Variants in NLGN1 observed in about 807,000 individuals in gnomAD.
NLGN1 encodes neuroligin-1.
Under a neutral mutation model 65.5 loss-of-function variants are expected in NLGN1, and 12 were observed. That is an observed-to-expected ratio of 0.18 (90% CI 0.12 to 0.30). The LOEUF is 0.30. NLGN1 is among the 10% of genes least tolerant of loss of function. NLGN1 has a pLI of 1.00. For synonymous variants in NLGN1, 350 were observed against 359.5 expected, an observed-to-expected ratio of 0.97 and a Z score of 0.30; for missense variants, 750 against 1,007.1, an observed-to-expected ratio of 0.74 and a Z score of 3.46.
chr3:174,051,547 A>G (rs1220547512), intron 4 of NLGN1, among the ~76,000 whole-genome samples: 1 of 152,078 alleles, frequency 6.6e-6, no homozygotes, highest in Non-Finnish European at 1.5e-5. Context: ...CTTATGTATG[A>G]CAATCAAGTC....
chr3:173,694,744 A>G (rs1268649657), intron 3 of NLGN1, among the ~76,000 whole-genome samples: 2 of 152,188 alleles, frequency 1.3e-5, no homozygotes, highest in Non-Finnish European at 2.9e-5. Context: ...ACTTCTATGC[A>G]ATGGTCCTGA....
rs370702716 is a variant in NLGN1, at chr3:174,017,732, G to A, written c.646+209900G>A. Among the ~76,000 whole-genome samples the A allele has an allele frequency of 8.8e-4, 134 of 152,228 alleles. 1 individual carries two copies. In the East Asian group the frequency reaches 0.02, roughly 23 times the overall value. On this transcript the variant is annotated intron_variant, in intron 4 of 6. Transcript: ENST00000457714. Reference sequence around the variant, plus strand: ...TTTATTAGTGATTTTCAAAAGGGGAGGGAGTGTACAAATAGGGTGTGGGTC... The same window carrying A: ...TTTATTAGTGATTTTCAAAAGGGGAAGGAGTGTACAAATAGGGTGTGGGTC...
In NLGN1 at chr3:173,822,983, A is replaced by T. The variant is rs75405228; in HGVS notation, c.646+15151A>T. ...AATAGAATTAAAATTGAGTAACTTC[A>T]ATTTAATACCATGTCAGTTAATTCT... On this transcript the variant is annotated intron_variant, in intron 4 of 6. Coordinates refer to ENST00000457714, the Ensembl canonical transcript of NLGN1. 7.9e-4 allele frequency among the ~76,000 whole-genome samples: 120 copies of T among 152,178 alleles called. 1 individual carries two copies. In the East Asian group the frequency reaches 0.021, roughly 27 times the overall value.
At chr3:173,748,128 C>T (rs1215782176) in intron 3 of NLGN1, among the ~76,000 whole-genome samples, 1 of 151,938 alleles carries the variant, frequency 6.6e-6, no homozygotes, top group Non-Finnish European at 1.5e-5. Context: ...AGCGTAAAAT[C>T]TAGTAAATAT....
intron 4 of NLGN1, among the ~76,000 whole-genome samples, chr3:173,976,528 C>T (rs1717508670): frequency 6.6e-6 from 1 of 151,974 alleles, no homozygotes; most frequent in Non-Finnish European, 1.5e-5. Context: ...GAACTGAAAC[C>T]CAGATTCTCT....
intron 2 of NLGN1, among the ~76,000 whole-genome samples, chr3:173,443,946 A>T (rs1719692003): frequency 6.6e-6 from 1 of 152,194 alleles, no homozygotes; most frequent in Admixed American, 6.5e-5. Context: ...TTCTTGGATA[A>T]TAACCAACAT....
chr3:173,539,923 G>A (rs1215728121), intron 2 of NLGN1, among the ~76,000 whole-genome samples: 2 of 120,880 alleles, frequency 1.7e-5, no homozygotes, highest in Non-Finnish European at 3.1e-5. Context: ...TAACATACGT[G>A]TGTGTGTGTG....
chr3:173,862,558 A>G (rs974420348), intron 4 of NLGN1, among the ~76,000 whole-genome samples: 3 of 150,198 alleles, frequency 2.0e-5, no homozygotes, highest in Non-Finnish European at 3.0e-5. Flanking sequence ...ACATATAATT[A>G]TGTATATTAT....
chr3:173,798,346 G>T (rs1714634504), intron 3 of NLGN1, among the ~76,000 whole-genome samples: 1 of 151,790 alleles, frequency 6.6e-6, no homozygotes, highest in Admixed American at 6.6e-5. Context: ...ATATTTTTTT[G>T]CAGTCTTTAA....
intron 3 of NLGN1, among the ~76,000 whole-genome samples, chr3:173,637,022 AG>A (rs1177832273): frequency 3.3e-5 from 5 of 152,274 alleles, no homozygotes; most frequent in African/African-American, 1.2e-4. Flanking sequence ...ATAAATTCTG[AG>A]AACTTTTTGT....
intron 2 of NLGN1, among the ~76,000 whole-genome samples, chr3:173,536,523 G>T (rs144118827): frequency 7.6e-4 from 115 of 152,312 alleles, no homozygotes; most frequent in Middle Eastern, 3.4e-3. Context: ...GTATCTTCAT[G>T]TACTTGTTAA....
intron 4 of NLGN1, among the ~76,000 whole-genome samples, chr3:173,997,869 G>C (rs1220131435): frequency 6.6e-6 from 1 of 152,024 alleles, no homozygotes; most frequent in Non-Finnish European, 1.5e-5. Flanking sequence ...TTTGGTTCTA[G>C]TATCTAGAAC....
At chr3:173,672,040 G>A (rs1365553491) in intron 3 of NLGN1, among the ~76,000 whole-genome samples, 3 of 152,114 alleles carry the variant, frequency 2.0e-5, no homozygotes, top group African/African-American at 7.2e-5. Flanking sequence ...CGGGCGTGGT[G>A]GCAGATGCCT....
chr3:174,108,212 TG>T (rs749145854), intron 4 of NLGN1, among the ~76,000 whole-genome samples: 3 of 152,100 alleles, frequency 2.0e-5, no homozygotes, highest in African/African-American at 4.8e-5. Flanking sequence ...AAGAACTATT[TG>T]TGTAACTTAT....
chr3:174,021,201 G>C (rs532896741), intron 4 of NLGN1, among the ~76,000 whole-genome samples: 1 of 152,006 alleles, frequency 6.6e-6, no homozygotes, highest in Admixed American at 6.6e-5. Context: ...TAGTGCTCCA[G>C]CCAGCTAAAT....
At chr3:173,817,816 T>C (rs556933711) in intron 4 of NLGN1, among the ~76,000 whole-genome samples, 5 of 152,232 alleles carry the variant, frequency 3.3e-5, no homozygotes, top group Non-Finnish European at 7.3e-5. Context: ...AAGGATATCT[T>C]ATTATTTTTA....
At chr3:174,116,810 A>T (rs566554026) in intron 4 of NLGN1, among the ~76,000 whole-genome samples, 1 of 152,190 alleles carries the variant, frequency 6.6e-6, no homozygotes, top group Non-Finnish European at 1.5e-5. Flanking sequence ...TATGAGCCAT[A>T]TTTCAGTTAA....
intron 4 of NLGN1, among the ~76,000 whole-genome samples, chr3:174,119,556 C>T (rs879519742): frequency 7.2e-5 from 11 of 152,110 alleles, no homozygotes; most frequent in Admixed American, 5.9e-4. Context: ...TATGGACTTA[C>T]ATTGGGGTTG....
At chr3:173,928,816 T>C (rs1397272802) in intron 4 of NLGN1, among the ~76,000 whole-genome samples, 3 of 151,766 alleles carry the variant, frequency 2.0e-5, no homozygotes, top group Admixed American at 6.6e-5. Context: ...ATTACAGGCA[T>C]GTGCCACCAT....
Sources: gnomAD v4.1 joint callset for allele counts (sites outside exome capture counted in the v4.1 genomes callset) on GRCh38, gnomAD v4.1.1 for gene constraint, MANE v1.5 for transcripts, NCBI Gene and HGNC (gene_info 2026-07-23, HGNC 2026-07-21) for gene names.